Variants in ZNF644 observed in about 807,000 individuals in gnomAD.
The protein encoded by ZNF644 is zinc finger motif enhancer binding protein 2.
Under a neutral mutation model 108.0 loss-of-function variants are expected in ZNF644, and 20 were observed. The observed-to-expected ratio is 0.19, with a 90% confidence interval of 0.13 to 0.27. The LOEUF (loss-of-function observed/expected upper bound fraction) is 0.27, where lower values mean the gene tolerates loss of function less well. Among genes scored for constraint, ZNF644 ranks in the 10% least tolerant of loss-of-function variants. ZNF644 has a pLI of 1.00. For synonymous variants in ZNF644, 542 were observed against 539.1 expected (o/e 1.01, Z -0.08); for missense variants, 1,338 against 1,548.9 (o/e 0.86, Z 2.29).
At chr1:90,958,475 T>A (rs1653989426) in intron 2 of ZNF644, among the ~76,000 whole-genome samples, 1 of 151,878 alleles carries the variant, frequency 6.6e-6, no homozygotes, top group African/African-American at 2.4e-5. Flanking sequence ...TAAAAGCTTA[T>A]CCTCAAACTC....
intron 4 of ZNF644, chr1:90,935,368 T>C (rs1651207007): frequency 1.0e-6 from 1 of 985,838 alleles, no homozygotes; most frequent in Non-Finnish European, 1.2e-6. Context: ...AAAAGTGTAT[T>C]GTATCAAACA....
chr1:90,923,043 A>G (rs560251053), intron 4 of ZNF644, among the ~76,000 whole-genome samples: 1 of 152,314 alleles, frequency 6.6e-6, no homozygotes, highest in East Asian at 1.9e-4. Flanking sequence ...GGAATGGGGT[A>G]GAGAAAGCCA....
chr1:90,952,849 G>A (rs779194947), intron 2 of ZNF644, among the ~76,000 whole-genome samples: 3 of 151,990 alleles, frequency 2.0e-5, no homozygotes, highest in Non-Finnish European at 4.4e-5. Flanking sequence ...AACACATCAA[G>A]CCAAAGCTTC....
At chr1:90,960,830 G>T (rs1305790245) in intron 2 of ZNF644, among the ~76,000 whole-genome samples, 1 of 152,062 alleles carries the variant, frequency 6.6e-6, no homozygotes, top group East Asian at 1.9e-4. Context: ...ACATTGACAA[G>T]ACTAACAATT....
At chr1:90,982,928 A>G (rs1656709311) in intron 1 of ZNF644, among the ~76,000 whole-genome samples, 1 of 152,100 alleles carries the variant, frequency 6.6e-6, no homozygotes, top group Admixed American at 6.6e-5. Flanking sequence ...GAATGTATCA[A>G]TACTCCCCAT....
At chr1:90,922,274 T>G (rs116435477) in intron 4 of ZNF644, among the ~76,000 whole-genome samples, 1,814 of 152,302 alleles carry the variant, frequency 0.012, 38 homozygotes, top group African/African-American at 0.042. Context: ...CTTTTCTAAT[T>G]GGTTGCTGGT....
intron 1 of ZNF644, among the ~76,000 whole-genome samples, chr1:91,004,199 A>C (rs566560354): frequency 6.6e-6 from 1 of 152,136 alleles, no homozygotes; most frequent in South Asian, 2.1e-4. Context: ...GCATTAACCT[A>C]AACATCCAAA....
At chr1:90,976,312 T>C (rs1346687994) in intron 2 of ZNF644, among the ~76,000 whole-genome samples, 1 of 152,192 alleles carries the variant, frequency 6.6e-6, no homozygotes, top group Non-Finnish European at 1.5e-5. Context: ...CAGTATTGTG[T>C]TCATCACTTG....
At chr1:90,956,454 C>A (rs1653763819) in intron 2 of ZNF644, among the ~76,000 whole-genome samples, 1 of 152,048 alleles carries the variant, frequency 6.6e-6, no homozygotes, top group African/African-American at 2.4e-5. Flanking sequence ...TCTGCATTCC[C>A]CACAGATGAG....
chr1:90,960,996 C>T lies in ZNF644; in HGVS notation c.45-19687G>A, dbSNP rs190585403. On this transcript the variant is annotated intron_variant, in intron 2 of 5. Transcript: ENST00000337393. ...CAAAAATGAAGAGAATTTCTCACTACAGACCTACACTAAAGGGTACAATAG... is the reference window on the plus strand; with the variant it reads ...CAAAAATGAAGAGAATTTCTCACTATAGACCTACACTAAAGGGTACAATAG... Among the ~76,000 whole-genome samples, 366 of 151,194 alleles carry T rather than the reference C, an allele frequency of 2.4e-3. 1 individual carries two copies. Among genetic ancestry groups the T allele is most frequent in the African/African-American group, 8.6e-3 (355 of 41,178 alleles).
At chr1:90,955,201 G>A (rs1455318287) in intron 2 of ZNF644, among the ~76,000 whole-genome samples, 1 of 152,206 alleles carries the variant, frequency 6.6e-6, no homozygotes, top group East Asian at 1.9e-4. Context: ...GCTGTAACAG[G>A]TGAACTGTCA....
rs754808315 is a variant in ZNF644, at chr1:90,940,402, A to G, written c.952T>C (p.Ser318Pro). The part of the protein sequence containing the change: ...FSDSNCVPNK[S>P]KMQEVDFLEQ... ...AGAAAGTCTACTTCTTGCATTTTTG[A>G]TTTATTGGGTACACAATTAGAATCA... The change falls in exon 3 of 6, where the codon TCA (serine) becomes CCA (proline). Residue 318 changes from serine (S) to proline (P), a missense_variant. By Grantham distance (74) the Ser-to-Pro change is moderately conservative (BLOSUM62 -1). Around this residue, in one of 6 missense-constraint regions of ZNF644, gnomAD observed 464 missense variants for 457.9 expected, o/e 1.01. Transcript: ENST00000337393. 1 of 1,613,522 alleles carries G rather than the reference A, an allele frequency of 6.2e-7. No individual in the cohort carries two copies. The highest frequency in any genetic ancestry group is 8.5e-7 in the Non-Finnish European group (1 of 1,179,900).
chr1:90,966,306 T>C (rs1352723914), intron 2 of ZNF644, among the ~76,000 whole-genome samples: 2 of 152,164 alleles, frequency 1.3e-5, no homozygotes, highest in African/African-American at 4.8e-5. Context: ...ACCTGATACA[T>C]TATTATTTGA....
At chr1:90,978,405 A>T (rs963220829) in intron 2 of ZNF644, among the ~76,000 whole-genome samples, 2 of 152,082 alleles carry the variant, frequency 1.3e-5, no homozygotes, top group Admixed American at 1.3e-4. Context: ...TTGGCAATAC[A>T]GCTGGAAAGG....
At chr1:90,942,064 C>A (rs1652051203) in intron 2 of ZNF644, among the ~76,000 whole-genome samples, 1 of 151,938 alleles carries the variant, frequency 6.6e-6, no homozygotes, top group Admixed American at 6.6e-5. Flanking sequence ...CGAATTTTAA[C>A]TTTACTAAAG....
chr1:90,967,402 T>A (rs1486970167), intron 2 of ZNF644, among the ~76,000 whole-genome samples: 1 of 152,216 alleles, frequency 6.6e-6, no homozygotes, highest in Non-Finnish European at 1.5e-5. Context: ...TTCAGAACTC[T>A]TTCAAATATT....
At position 90,939,251 on chromosome 1, in the gene ZNF644, T is replaced by C; in HGVS notation, c.2103A>G (p.Gln701=). The C allele has an allele frequency of 6.2e-7, 1 of 1,614,072 alleles. No individual in the cohort carries two copies. The highest frequency in any genetic ancestry group is 1.1e-5 in the South Asian group (1 of 91,076). Residue 701 remains glutamine (Q), a synonymous_variant, in exon 3 of 6, where the codon CAA becomes CAG. Transcript: ENST00000337393. The part of the protein sequence containing the change: ...IAQSGVNMCN[Q]NSSPHKNVTI... ...TAACATTCTTATGAGGAGAGCTGTT[T>C]TGATTGCACATGTTTACACCTGATT...
chr1:90,964,041 G>A (rs1360153807), intron 2 of ZNF644, among the ~76,000 whole-genome samples: 1 of 152,090 alleles, frequency 6.6e-6, no homozygotes, highest in Non-Finnish European at 1.5e-5. Context: ...GTGCTAGGCA[G>A]CAAAAATTAT....
At chr1:90,995,489 C>A in intron 1 of ZNF644, among the ~76,000 whole-genome samples, 1 of 151,864 alleles carries the variant, frequency 6.6e-6, no homozygotes. Flanking sequence ...AAATAATGGC[C>A]AAAACATTTC....
Sources: gnomAD v4.1 joint callset for allele counts (sites outside exome capture counted in the v4.1 genomes callset) on GRCh38, gnomAD v4.1.1 for gene constraint, gnomAD v4.1.1 regional missense constraint, MANE v1.5 for transcripts, NCBI Gene and HGNC (gene_info 2026-07-23, HGNC 2026-07-21) for gene names.